Variants in PRR5L observed in about 807,000 individuals in gnomAD.
PRR5L encodes proline-rich protein 5-like.
PRR5L carries 21 observed loss-of-function variants against 36.4 expected under a neutral mutation model. That is an observed-to-expected ratio of 0.58 (90% CI 0.41 to 0.83). PRR5L has a LOEUF of 0.83. PRR5L is among the 40% of genes least tolerant of loss of function. The pLI is 0.00. For missense variants in PRR5L, 381 were observed against 473.3 expected, an observed-to-expected ratio of 0.80 and a Z score of 1.81; for synonymous variants, 188 against 197.0, an observed-to-expected ratio of 0.95 and a Z score of 0.38.
intron 1 of PRR5L, among the ~76,000 whole-genome samples, chr11:36,314,160 G>A (rs368371125): frequency 1.1e-4 from 17 of 152,128 alleles, no homozygotes; most frequent in East Asian, 3.8e-4. Context: ...TCGTTTATTT[G>A]TTTAGTACCT....
intron 4 of PRR5L, among the ~76,000 whole-genome samples, chr11:36,426,906 C>A (rs567089956): frequency 1.3e-5 from 2 of 152,298 alleles, no homozygotes; most frequent in South Asian, 4.1e-4. Context: ...CTGTACCTAG[C>A]CTTCTTGGTT....
chr11:36,359,800 T>C (rs1857066167), intron 1 of PRR5L, among the ~76,000 whole-genome samples: 1 of 152,124 alleles, frequency 6.6e-6, no homozygotes, highest in Non-Finnish European at 1.5e-5. Context: ...ATCCCAGCAC[T>C]TTGGGAGACC....
chr11:36,359,145 G>C (rs1269260034), intron 1 of PRR5L, among the ~76,000 whole-genome samples: 1 of 152,212 alleles, frequency 6.6e-6, no homozygotes, highest in East Asian at 1.9e-4. Flanking sequence ...GTCACTTCAT[G>C]TCGCTGAGCC....
At chr11:36,454,040 T>C in intron 8 of PRR5L, 1 of 152,654 alleles carries the variant, frequency 6.6e-6, no homozygotes. Flanking sequence ...CTGGGGGTGC[T>C]GGATGCTGGA....
At chr11:36,348,335 T>A (rs1253138845) in intron 1 of PRR5L, among the ~76,000 whole-genome samples, 1 of 152,114 alleles carries the variant, frequency 6.6e-6, no homozygotes, top group South Asian at 2.1e-4. Context: ...AGATGAGGTA[T>A]GAAAGACTCC....
At chr11:36,417,749 C>T (rs1858176736) in intron 3 of PRR5L, among the ~76,000 whole-genome samples, 1 of 152,220 alleles carries the variant, frequency 6.6e-6, no homozygotes, top group Admixed American at 6.5e-5. Context: ...CACATAACAT[C>T]TTGCTGTAAC....
intron 1 of PRR5L, among the ~76,000 whole-genome samples, chr11:36,341,645 C>T (rs1292482879): frequency 6.6e-6 from 1 of 152,152 alleles, no homozygotes; most frequent in African/African-American, 2.4e-5. Flanking sequence ...TCTTGCTGCA[C>T]AAAATGGGAA....
chr11:36,377,306 G>T lies in PRR5L; in HGVS notation c.-125-23691G>T, dbSNP rs1257759490. Among the ~76,000 whole-genome samples the T allele has an allele frequency of 6.6e-6, 1 of 152,228 alleles. No individual in the cohort carries two copies. Among genetic ancestry groups the T allele is most frequent in the Non-Finnish European group, 1.5e-5 (1 of 68,046 alleles). ...CAGCCAGTGGGGATCCCGCCGGGAC[G>T]GGCTGTGAGCAAGCCCTGGGACGGC... On this transcript the variant is annotated intron_variant, in intron 1 of 8. Transcript: ENST00000530639. This position sits in a 1 kb window ranked among gnomAD's most constrained non-coding sequence, Gnocchi z 5.1.
intron 8 of PRR5L, chr11:36,455,297 A>C (rs1157733691): frequency 6.5e-6 from 1 of 152,762 alleles, no homozygotes; most frequent in Non-Finnish European, 1.5e-5. Flanking sequence ...CTGGGAGATC[A>C]AAAGCCTGGG....
intron 1 of PRR5L, among the ~76,000 whole-genome samples, chr11:36,368,066 G>T (rs766400346): frequency 6.6e-6 from 1 of 152,094 alleles, no homozygotes; most frequent in Non-Finnish European, 1.5e-5. Flanking sequence ...AAGGCTGACC[G>T]TGAGAGTAAG....
intron 1 of PRR5L, among the ~76,000 whole-genome samples, chr11:36,325,726 G>A (rs1022454437): frequency 8.5e-5 from 13 of 152,206 alleles, no homozygotes; most frequent in African/African-American, 2.2e-4. Flanking sequence ...ATTCTTAGTC[G>A]GCCTGGGAAA....
At chr11:36,303,604 G>A (rs1374729000) in intron 1 of PRR5L, among the ~76,000 whole-genome samples, 1 of 152,058 alleles carries the variant, frequency 6.6e-6, no homozygotes, top group Non-Finnish European at 1.5e-5. Context: ...GACTTGACTG[G>A]AAAAACAGAG....
intron 1 of PRR5L, among the ~76,000 whole-genome samples, chr11:36,350,944 A>ATATTTATATATTTATATATTTATATATT (rs1554986952): frequency 7.0e-5 from 4 of 57,132 alleles, no homozygotes; most frequent in South Asian, 4.4e-4. Context: ...ATATTTATAT[A>ATATTTATATATTTATATATTTATATATT]TATATATTTA....
intron 1 of PRR5L, among the ~76,000 whole-genome samples, chr11:36,396,527 T>G (rs1857663219): frequency 6.6e-6 from 1 of 152,234 alleles, no homozygotes; most frequent in Non-Finnish European, 1.5e-5. Context: ...GCTGTTGTAT[T>G]CCCACTGCTA....
chr11:36,318,945 C>T (rs1448778690), intron 1 of PRR5L, among the ~76,000 whole-genome samples: 3 of 152,094 alleles, frequency 2.0e-5, no homozygotes, highest in South Asian at 4.1e-4. Context: ...TGACTTTTCT[C>T]GATTTTTTAC....
At chr11:36,457,540 C>T (rs898523556) in intron 8 of PRR5L, among the ~76,000 whole-genome samples, 3 of 151,348 alleles carry the variant, frequency 2.0e-5, no homozygotes, top group Admixed American at 6.6e-5. Context: ...CAGTAGGCAG[C>T]GCTTGTAGTG....
At position 36,446,277 on chromosome 11, in the gene PRR5L, CCTCT is replaced by C; in HGVS notation, c.445-19_445-16del. On this transcript the variant is annotated intron_variant, in intron 6 of 8. Transcript: ENST00000530639. ...ATTCAGTAAGCTCTCACCTCCCGGCCCTCTCTCCTCTGTCCCCTCTAGGGCCAGG... is the reference window on the plus strand; with the variant it reads ...ATTCAGTAAGCTCTCACCTCCCGGCCCTCCTCTGTCCCCTCTAGGGCCAGG... 2 of 1,611,590 alleles carry C rather than the reference CCTCT, an allele frequency of 1.2e-6. No homozygotes were observed. The highest frequency in any genetic ancestry group is 8.5e-7 in the Non-Finnish European group (1 of 1,179,474).
At chr11:36,346,565 A>G (rs1856868185) in intron 1 of PRR5L, among the ~76,000 whole-genome samples, 1 of 152,104 alleles carries the variant, frequency 6.6e-6, no homozygotes, top group Non-Finnish European at 1.5e-5. Flanking sequence ...CCTGGGCCAC[A>G]GAGTGAGACT....
intron 4 of PRR5L, among the ~76,000 whole-genome samples, chr11:36,425,125 A>G (rs1043642711): frequency 6.6e-6 from 1 of 152,194 alleles, no homozygotes; most frequent in Non-Finnish European, 1.5e-5. Context: ...CCCAGCCACA[A>G]TCTGCGTTTT....
Sources: gnomAD v4.1 joint callset for allele counts (sites outside exome capture counted in the v4.1 genomes callset) on GRCh38, gnomAD v4.1.1 for gene constraint, Gnocchi (gnomAD v3.1) non-coding constraint, MANE v1.5 for transcripts, NCBI Gene and HGNC (gene_info 2026-07-23, HGNC 2026-07-21) for gene names.